The following UNC5D variants were observed in gnomAD, a reference collection of about 807,000 sequenced individuals.
The protein encoded by UNC5D is unc-5 netrin receptor D, also known as netrin receptor UNC5D.
A neutral mutation model predicts 105.4 loss-of-function variants in UNC5D; 39 were observed. The observed-to-expected ratio is 0.37, with a 90% CI of 0.29 to 0.48. The LOEUF (loss-of-function observed/expected upper bound fraction) is 0.48. Ranked by LOEUF, UNC5D falls within the 20% of genes least tolerant of loss-of-function variation. The pLI, the probability that UNC5D is intolerant of heterozygous loss-of-function variation, is 0.98. For missense variants in UNC5D, 991 were observed against 1,202.4 expected, an observed-to-expected ratio of 0.82 and a Z score of 2.60; for synonymous variants, 452 against 450.4, an observed-to-expected ratio of 1.00 and a Z score of -0.04.
At chr8:35,500,774 T>C (rs1254760394) in intron 1 of UNC5D, among the ~76,000 whole-genome samples, 1 of 152,222 alleles carries the variant, frequency 6.6e-6, no homozygotes, top group Non-Finnish European at 1.5e-5. Context: ...ATTGAATGCA[T>C]GTGTATGAAC....
At chr8:35,607,907 C>A (rs1040722440) in intron 4 of UNC5D, among the ~76,000 whole-genome samples, 3 of 152,272 alleles carry the variant, frequency 2.0e-5, no homozygotes, top group Non-Finnish European at 2.9e-5. Context: ...TACATAGATA[C>A]GTCACTCAGT....
chr8:35,730,407 G>A (rs1829121296), intron 10 of UNC5D, among the ~76,000 whole-genome samples: 1 of 152,056 alleles, frequency 6.6e-6, no homozygotes, highest in African/African-American at 2.4e-5. Context: ...CCCTTTCTAG[G>A]TTCTGTTTGC....
chr8:35,388,485 G>C (rs1803576106), intron 1 of UNC5D, among the ~76,000 whole-genome samples: 1 of 152,130 alleles, frequency 6.6e-6, no homozygotes, highest in African/African-American at 2.4e-5. Flanking sequence ...TAGTTATCAA[G>C]GCAGTGTGTT....
chr8:35,481,143 A>T (rs1159777865), intron 1 of UNC5D, among the ~76,000 whole-genome samples: 1 of 152,224 alleles, frequency 6.6e-6, no homozygotes, highest in Non-Finnish European at 1.5e-5. Context: ...CATAAAGCTG[A>T]GCACATATTT....
intron 1 of UNC5D, among the ~76,000 whole-genome samples, chr8:35,491,530 C>T (rs1811215779): frequency 6.6e-6 from 1 of 152,064 alleles, no homozygotes; most frequent in African/African-American, 2.4e-5. Context: ...TGGCCATTTA[C>T]ATAAGATGAG....
intron 1 of UNC5D, among the ~76,000 whole-genome samples, chr8:35,498,858 T>A (rs2130212434): frequency 6.6e-6 from 1 of 152,342 alleles, no homozygotes; most frequent in Non-Finnish European, 1.5e-5. Context: ...GTATTTTTAT[T>A]ACTTTTATTC....
chr8:35,343,788 A>G (rs1303047300), intron 1 of UNC5D, among the ~76,000 whole-genome samples: 2 of 152,164 alleles, frequency 1.3e-5, no homozygotes, highest in Admixed American at 6.5e-5. Context: ...TCAGAGCCTC[A>G]GAAACAAAAG....
intron 3 of UNC5D, among the ~76,000 whole-genome samples, chr8:35,569,444 A>C (rs532064925): frequency 3.0e-4 from 46 of 152,324 alleles, no homozygotes; most frequent in African/African-American, 1.1e-3. Flanking sequence ...GTGAATTGCT[A>C]TTTGCAGAGA....
rs759380680 is a variant in UNC5D at position 35,790,548 on chromosome 8, G to A, written c.2847G>A (p.Arg949=). Residue 949 remains arginine, a synonymous_variant, in exon 17 of 17, where the codon AGG becomes AGA. Transcript: ENST00000404895. ...ATGAAGCCGACTTCAACTACAGCAG[G>A]CAAAATGGACTCTAGTCCACTTCCT... The part of the protein sequence containing the change: ...QLDEADFNYS[R]QNGL The A allele has an allele frequency of 1.2e-6, 2 of 1,613,672 alleles. No individual in the cohort carries two copies. The highest frequency in any genetic ancestry group is 1.7e-6 in the Non-Finnish European group (2 of 1,179,786).
At chr8:35,596,559 G>A (rs954276764) in intron 4 of UNC5D, among the ~76,000 whole-genome samples, 4 of 152,094 alleles carry the variant, frequency 2.6e-5, no homozygotes, top group African/African-American at 9.7e-5. Context: ...AGGTCCTGAC[G>A]ACATGTGCCC....
chr8:35,518,377 G>T (rs1813244268), intron 1 of UNC5D, among the ~76,000 whole-genome samples: 1 of 151,696 alleles, frequency 6.6e-6, no homozygotes, highest in Non-Finnish European at 1.5e-5. Flanking sequence ...AATACATATT[G>T]CATTGCTTTA....
intron 1 of UNC5D, among the ~76,000 whole-genome samples, chr8:35,326,649 G>A (rs1309142901): frequency 1.3e-5 from 2 of 152,202 alleles, no homozygotes; most frequent in East Asian, 3.9e-4. Flanking sequence ...ATCTACTTGG[G>A]AAGCTGAGGC....
rs1035425211 is a variant in UNC5D at position 35,794,716 on chromosome 8, G to A, written c.*4153G>A. ...GTTCCAAACTCTTTCAAAAGCTGCC[G>A]TTACAAAGCTGTTTGGCTGTATTGA... On this transcript the variant is annotated 3_prime_UTR_variant, in exon 17 of 17. Transcript: ENST00000404895. 9.8e-5 allele frequency: 15 copies of A among 152,566 alleles called. No homozygotes were observed. Among genetic ancestry groups the A allele is most frequent in the African/African-American group, 2.4e-4 (10 of 41,418 alleles). 9.5% of individuals were successfully genotyped at this position (152,566 alleles called of 1,614,324 possible).
At chr8:35,691,339 T>G (rs1826373765) in intron 7 of UNC5D, among the ~76,000 whole-genome samples, 1 of 152,060 alleles carries the variant, frequency 6.6e-6, no homozygotes. Context: ...AATGAAAAAC[T>G]AGCCAAGTGT....
chr8:35,470,374 T>C (rs1158043883), intron 1 of UNC5D, among the ~76,000 whole-genome samples: 1 of 152,196 alleles, frequency 6.6e-6, no homozygotes, highest in East Asian at 1.9e-4. Flanking sequence ...TGACACCTTG[T>C]TGACCTAGGG....
chr8:35,646,623 C>A (rs1443390884), intron 4 of UNC5D, among the ~76,000 whole-genome samples: 2 of 151,972 alleles, frequency 1.3e-5, no homozygotes, highest in Admixed American at 6.6e-5. Context: ...TTCTTAATAC[C>A]TCTCCCTATG....
intron 10 of UNC5D, among the ~76,000 whole-genome samples, chr8:35,728,577 G>A (rs896756961): frequency 1.2e-4 from 18 of 152,266 alleles, no homozygotes; most frequent in African/African-American, 4.1e-4. Context: ...AAATAACTGT[G>A]GAGAAGTAAA....
chr8:35,526,885 G>A (rs1467428600), intron 1 of UNC5D, among the ~76,000 whole-genome samples: 1 of 151,896 alleles, frequency 6.6e-6, no homozygotes, highest in African/African-American at 2.4e-5. Flanking sequence ...TCCATCTTCT[G>A]CAGGCACACG....
intron 4 of UNC5D, among the ~76,000 whole-genome samples, chr8:35,633,458 C>G (rs1386640905): frequency 6.6e-6 from 1 of 151,660 alleles, no homozygotes; most frequent in Non-Finnish European, 1.5e-5. Context: ...AAAAAAAATC[C>G]TTTTTTGTAC....
Sources: gnomAD v4.1 joint callset for allele counts (sites outside exome capture counted in the v4.1 genomes callset) on GRCh38, gnomAD v4.1.1 for gene constraint, MANE v1.5 for transcripts, NCBI Gene and HGNC (gene_info 2026-07-23, HGNC 2026-07-21) for gene names.